The following NBEA variants were observed in gnomAD, a reference collection of about 807,000 sequenced individuals.
NBEA encodes lysosomal-trafficking regulator 2.
NBEA carries 44 observed loss-of-function variants against 343.4 expected under a neutral mutation model. That is an observed-to-expected ratio of 0.13 (90% CI 0.10 to 0.16). NBEA has a LOEUF of 0.16. Among genes scored for constraint, NBEA ranks in the 10% least tolerant of loss-of-function variants. The pLI, the probability that NBEA is intolerant of heterozygous loss-of-function variation, is 1.00. For missense variants in NBEA, 2,555 were observed against 3,631.3 expected, an observed-to-expected ratio of 0.70 and a Z score of 7.62; for synonymous variants, 1,175 against 1,238.7, an observed-to-expected ratio of 0.95 and a Z score of 1.08.
chr13:35,340,606 T>C, intron 36 of NBEA, among the ~76,000 whole-genome samples: 1 of 152,128 alleles, frequency 6.6e-6, no homozygotes, highest in African/African-American at 2.4e-5. Flanking sequence ...AATTAAATGC[T>C]GTAAATTTTA....
At chr13:35,600,543 C>G (rs1364616818) in intron 47 of NBEA, among the ~76,000 whole-genome samples, 1 of 151,856 alleles carries the variant, frequency 6.6e-6, no homozygotes, top group African/African-American at 2.4e-5. Context: ...ATCCGTGCCC[C>G]TAAAAAAAAT....
At chr13:35,224,128 C>T (rs2074526767) in intron 33 of NBEA, among the ~76,000 whole-genome samples, 1 of 152,150 alleles carries the variant, frequency 6.6e-6, no homozygotes, top group Non-Finnish European at 1.5e-5. Flanking sequence ...TCTTTTCTGC[C>T]TTCCTCTTTT....
At chr13:35,087,704 T>G (rs930311008) in intron 10 of NBEA, among the ~76,000 whole-genome samples, 15 of 151,878 alleles carry the variant, frequency 9.9e-5, no homozygotes, top group Non-Finnish European at 8.8e-5. Flanking sequence ...TAGACATTTA[T>G]GAAAGGCATG....
intron 53 of NBEA, 90 bp downstream of exon 53, chr13:35,651,966 T>TC: frequency 1.3e-6 from 1 of 767,260 alleles, no homozygotes. Context: ...ACAATATTTT[T>TC]TCTACCACAA....
intron 34 of NBEA, among the ~76,000 whole-genome samples, chr13:35,240,515 A>G (rs1195922245): frequency 6.6e-6 from 1 of 151,942 alleles, no homozygotes; most frequent in Non-Finnish European, 1.5e-5. Context: ...TGTATATTCA[A>G]CGTGTTGAAT....
chr13:35,122,831 C>A (rs2066878953), intron 16 of NBEA, among the ~76,000 whole-genome samples: 1 of 152,128 alleles, frequency 6.6e-6, no homozygotes, highest in South Asian at 2.1e-4. Flanking sequence ...TGTTGACTAG[C>A]CTTTCTGAAC....
chr13:35,141,660 C>G (rs2068101076), intron 17 of NBEA, among the ~76,000 whole-genome samples: 1 of 152,166 alleles, frequency 6.6e-6, no homozygotes, highest in East Asian at 1.9e-4. Context: ...ATGGAACCTT[C>G]TATCCTGAGT....
At chr13:35,339,267 A>G (rs1383109897) in intron 36 of NBEA, among the ~76,000 whole-genome samples, 1 of 152,022 alleles carries the variant, frequency 6.6e-6, no homozygotes, top group Non-Finnish European at 1.5e-5. Context: ...ACTACCAAAA[A>G]AAAAAGGATC....
At chr13:35,653,703 A>G (rs560009730) in intron 53 of NBEA, among the ~76,000 whole-genome samples, 1 of 152,314 alleles carries the variant, frequency 6.6e-6, no homozygotes, top group East Asian at 1.9e-4. Context: ...CGTTTCAATT[A>G]GTTACTTATA....
intron 45 of NBEA, among the ~76,000 whole-genome samples, 200 bp downstream of exon 45, chr13:35,567,217 A>C (rs967321035): frequency 3.3e-5 from 5 of 152,224 alleles, no homozygotes; most frequent in Non-Finnish European, 7.4e-5. Flanking sequence ...TAGCATAGGC[A>C]AAATGAAATG....
intron 47 of NBEA, among the ~76,000 whole-genome samples, chr13:35,594,842 G>A (rs1566379220): frequency 6.6e-6 from 1 of 151,752 alleles, no homozygotes; most frequent in African/African-American, 2.4e-5. Flanking sequence ...GTAATTGAAG[G>A]CTTCTTATCG....
chr13:35,657,307 G>T (rs977278272), intron 55 of NBEA, among the ~76,000 whole-genome samples: 1 of 152,182 alleles, frequency 6.6e-6, no homozygotes, highest in Non-Finnish European at 1.5e-5. Flanking sequence ...AGTGTCTATT[G>T]TACATACGAG....
At chr13:35,546,917 A>T (rs1395620089) in intron 41 of NBEA, among the ~76,000 whole-genome samples, 1 of 152,118 alleles carries the variant, frequency 6.6e-6, no homozygotes, top group African/African-American at 2.4e-5. Context: ...AAATTGTAGG[A>T]TCATCTTATT....
intron 45 of NBEA, among the ~76,000 whole-genome samples, chr13:35,575,484 A>G (rs924024510): frequency 6.6e-6 from 1 of 152,182 alleles, no homozygotes; most frequent in Non-Finnish European, 1.5e-5. Flanking sequence ...TGACTTTACT[A>G]TGAAAATTTT....
chr13:35,159,370 A>G lies in NBEA; in HGVS notation c.3199A>G (p.Thr1067Ala). The G allele has an allele frequency of 6.2e-7, 1 of 1,613,532 alleles. No individual in the cohort carries two copies. The highest frequency in any genetic ancestry group is 8.5e-7 in the Non-Finnish European group (1 of 1,179,686). ...VDIKAEKVEA[T>A]EVKLDDMDLS... ...TATAAAAGCAGAGAAAGTGGAAGCA[A>G]CAGAAGTAAAGCTCGATGATATGGA... The change falls in exon 22 of 59, where the codon ACA becomes GCA. Residue 1067 changes from threonine to alanine, a missense_variant. Physicochemically the swap from Thr to Ala is moderately conservative, Grantham distance 58. Transcript: ENST00000379939.
chr13:35,215,528 G>A (rs1444693842), intron 33 of NBEA, among the ~76,000 whole-genome samples: 2 of 151,492 alleles, frequency 1.3e-5, no homozygotes, highest in Non-Finnish European at 3.0e-5. Context: ...TTAAAAAATA[G>A]CAAATCAGTG....
At chr13:35,439,112 A>T (rs1483157021) in intron 39 of NBEA, among the ~76,000 whole-genome samples, 1 of 152,216 alleles carries the variant, frequency 6.6e-6, no homozygotes, top group Non-Finnish European at 1.5e-5. Context: ...CAACAGGGGC[A>T]GGGGTAGGAG....
intron 22 of NBEA, among the ~76,000 whole-genome samples, chr13:35,160,489 A>G (rs1260030181): frequency 6.6e-6 from 1 of 152,154 alleles, no homozygotes; most frequent in South Asian, 2.1e-4. Flanking sequence ...GAACTGATAA[A>G]TGAAGGGGAA....
chr13:35,238,899 A>G (rs1164914335), intron 34 of NBEA, among the ~76,000 whole-genome samples: 1 of 152,156 alleles, frequency 6.6e-6, no homozygotes, highest in Non-Finnish European at 1.5e-5. Flanking sequence ...CAAAGAGGAT[A>G]TCACTGACAT....
Sources: allele counts gnomAD v4.1 joint callset (sites outside exome capture counted in the v4.1 genomes callset), GRCh38; gene constraint gnomAD v4.1.1; transcripts MANE v1.5; gene names NCBI Gene and HGNC (gene_info 2026-07-23, HGNC 2026-07-21).